FSIP1: variants seen among roughly 807,000 people sequenced by gnomAD.
The protein encoded by FSIP1 is fibrous sheath-interacting protein 1.
Under a neutral mutation model 60.9 loss-of-function variants are expected in FSIP1, and 65 were observed. The observed-to-expected ratio is 1.07, with a 90% CI of 0.87 to 1.31. FSIP1 has a LOEUF of 1.31. Among genes scored for constraint, FSIP1 ranks in the 40% most tolerant of loss-of-function variants. FSIP1 has a pLI of 0.00. For missense variants in FSIP1, 675 were observed against 665.5 expected (o/e 1.01, Z -0.16); for synonymous variants, 209 against 221.2 (o/e 0.94, Z 0.49).
chr15:39,655,543 C>A (rs1311217876), intron 10 of FSIP1, among the ~76,000 whole-genome samples: 1 of 152,154 alleles, frequency 6.6e-6, no homozygotes, highest in African/African-American at 2.4e-5. Flanking sequence ...TTATTGAATG[C>A]CCACTACAAA....
intron 7 of FSIP1, among the ~76,000 whole-genome samples, chr15:39,738,539 T>C (rs1486007049): frequency 6.6e-6 from 1 of 152,234 alleles, no homozygotes; most frequent in Non-Finnish European, 1.5e-5. Context: ...GAAGAAATCT[T>C]CTTGCCACTT....
At chr15:39,650,517 T>C (rs1027690803) in intron 10 of FSIP1, among the ~76,000 whole-genome samples, 9 of 152,224 alleles carry the variant, frequency 5.9e-5, no homozygotes, top group African/African-American at 1.7e-4. Context: ...GGGGAAAGTT[T>C]TCTAATATGT....
At chr15:39,697,462 A>G (rs1389412678) in intron 10 of FSIP1, among the ~76,000 whole-genome samples, 2 of 152,204 alleles carry the variant, frequency 1.3e-5, no homozygotes, top group Admixed American at 1.3e-4. Context: ...GGGATAAATA[A>G]TAATTACATT....
chr15:39,665,746 T>C (rs779793949), intron 10 of FSIP1, among the ~76,000 whole-genome samples: 4 of 152,196 alleles, frequency 2.6e-5, no homozygotes, highest in Non-Finnish European at 5.9e-5. Flanking sequence ...TAATTAATTA[T>C]ACTGAATAAA....
At chr15:39,778,195 C>A (rs1363767858) in intron 1 of FSIP1, among the ~76,000 whole-genome samples, 1 of 152,146 alleles carries the variant, frequency 6.6e-6, no homozygotes, top group Non-Finnish European at 1.5e-5. Context: ...CATAAGTCAC[C>A]AAAAGGCCAA....
chr15:39,734,690 GA>G (rs1251464345), intron 8 of FSIP1, among the ~76,000 whole-genome samples: 1 of 152,058 alleles, frequency 6.6e-6, no homozygotes, highest in Non-Finnish European at 1.5e-5. Flanking sequence ...ACCACAAGAG[GA>G]TAGGGAGATA....
At chr15:39,680,374 A>G (rs1406318868) in intron 10 of FSIP1, among the ~76,000 whole-genome samples, 1 of 152,176 alleles carries the variant, frequency 6.6e-6, no homozygotes, top group African/African-American at 2.4e-5. Context: ...TTGCCTCCCA[A>G]TGTCTGTTTT....
chr15:39,779,509 C>T (rs1199615727), intron 1 of FSIP1, among the ~76,000 whole-genome samples: 2 of 152,206 alleles, frequency 1.3e-5, no homozygotes, highest in Non-Finnish European at 2.9e-5. Flanking sequence ...AATCACCCAA[C>T]ATCCCACCAC....
In FSIP1 at chr15:39,742,587, A is replaced by T. The variant is rs115258803; in HGVS notation, c.560-687T>A. Among the ~76,000 whole-genome samples, 464 of 152,328 alleles carry T rather than the reference A, an allele frequency of 3.0e-3. 4 individuals are homozygous for T. Among genetic ancestry groups the T allele is most frequent in the African/African-American group, 0.011 (443 of 41,588 alleles). On this transcript the variant is annotated intron_variant, in intron 5 of 11. Transcript: ENST00000350221. ...AATGTGAGGGAATCTGCCAGGTTGCAGCACAGAAATGGTTTTGCCTCAGAA... is the reference window on the plus strand; with the variant it reads ...AATGTGAGGGAATCTGCCAGGTTGCTGCACAGAAATGGTTTTGCCTCAGAA...
At chr15:39,757,269 G>A (rs1897328582) in intron 5 of FSIP1, among the ~76,000 whole-genome samples, 1 of 152,072 alleles carries the variant, frequency 6.6e-6, no homozygotes, top group Non-Finnish European at 1.5e-5. Context: ...GATCTAATGA[G>A]TAATGGGAAA....
chr15:39,680,535 A>T (rs898851272), intron 10 of FSIP1, among the ~76,000 whole-genome samples: 62 of 152,326 alleles, frequency 4.1e-4, no homozygotes, highest in Middle Eastern at 3.4e-3. Context: ...CTTCTCAGTC[A>T]TGATCTTTGC....
intron 10 of FSIP1, among the ~76,000 whole-genome samples, chr15:39,675,720 A>G (rs928285859): frequency 1.3e-5 from 2 of 152,252 alleles, no homozygotes; most frequent in Non-Finnish European, 2.9e-5. Flanking sequence ...TGATCTTAAA[A>G]GTACAAACCT....
At chr15:39,781,486 T>C (rs918197169) in intron 1 of FSIP1, among the ~76,000 whole-genome samples, 1 of 152,050 alleles carries the variant, frequency 6.6e-6, no homozygotes, top group Admixed American at 6.5e-5. Context: ...TGAAAACATA[T>C]TCACACACAC....
At chr15:39,717,514 A>G (rs1360978079) in intron 9 of FSIP1, among the ~76,000 whole-genome samples, 1 of 152,252 alleles carries the variant, frequency 6.6e-6, no homozygotes, top group Admixed American at 6.5e-5. Context: ...AAAGACTAAC[A>G]GAGGACACAC....
intron 9 of FSIP1, among the ~76,000 whole-genome samples, chr15:39,717,542 A>G (rs772008185): frequency 1.3e-4 from 19 of 151,952 alleles, no homozygotes; most frequent in Non-Finnish European, 2.2e-4. Context: ...CACTCTACTC[A>G]GAAGGTTATA....
Position 39,748,538 on chromosome 15 carries a change from G to C in FSIP1, c.560-6638C>G, listed in dbSNP as rs150297677. 2.0e-3 allele frequency among the ~76,000 whole-genome samples: 303 copies of C among 152,172 alleles called. 1 individual carries two copies. The highest frequency in any genetic ancestry group is 3.8e-3 in the Non-Finnish European group (255 of 67,992). On this transcript the variant is annotated intron_variant, in intron 5 of 11. Coordinates refer to ENST00000350221, the MANE Select transcript of FSIP1 (RefSeq NM_152597.5). ...TGGCATAGTGGCATAAATTCCAGTA[G>C]TTCCCTCATTCTCCCCTGCAGCACA... is the stretch of plus-strand genomic sequence containing the variant.
intron 10 of FSIP1, among the ~76,000 whole-genome samples, chr15:39,665,301 C>A (rs1022478296): frequency 2.2e-4 from 33 of 152,176 alleles, no homozygotes; most frequent in Middle Eastern, 3.2e-3. Flanking sequence ...GATCCTAAAT[C>A]AATGCCTGAA....
At chr15:39,656,637 A>G (rs535394654) in intron 10 of FSIP1, among the ~76,000 whole-genome samples, 1 of 152,356 alleles carries the variant, frequency 6.6e-6, no homozygotes, top group South Asian at 2.1e-4. Context: ...AGTTTTTGTA[A>G]GAATCAAAAC....
chr15:39,772,438 C>G (rs925195322), intron 2 of FSIP1, among the ~76,000 whole-genome samples: 1 of 151,462 alleles, frequency 6.6e-6, no homozygotes. Flanking sequence ...GAACCACAGG[C>G]GCATGCCACC....
Sources: allele counts gnomAD v4.1 joint callset (sites outside exome capture counted in the v4.1 genomes callset), GRCh38; gene constraint gnomAD v4.1.1; transcripts MANE v1.5; gene names NCBI Gene and HGNC (gene_info 2026-07-23, HGNC 2026-07-21).